Variants in SCD5 observed in about 807,000 individuals in gnomAD.
The protein encoded by SCD5 is stearoyl-CoA desaturase 5.
SCD5 carries 20 observed loss-of-function variants against 30.4 expected under a neutral mutation model. The observed-to-expected ratio is 0.66, with a 90% CI of 0.46 to 0.96. SCD5 has a LOEUF of 0.96. SCD5 is among the 40% of genes least tolerant of loss of function. The probability of loss-of-function intolerance (pLI) is 0.00; values close to 1 mark genes in which losing one functional copy is unlikely to be tolerated. For synonymous variants in SCD5, 173 were observed against 176.4 expected (o/e 0.98, Z 0.16); for missense variants, 381 against 443.3 (o/e 0.86, Z 1.26).
chr4:82,656,714 C>A (rs1293487588), intron 3 of SCD5, among the ~76,000 whole-genome samples: 1 of 152,176 alleles, frequency 6.6e-6, no homozygotes, highest in Middle Eastern at 3.2e-3. Flanking sequence ...TATACTCCCA[C>A]CAACAGTGTA....
chr4:82,688,714 G>A (rs6535380), intron 2 of SCD5, among the ~76,000 whole-genome samples: 143,751 of 152,278 alleles, frequency 0.94, 67,968 homozygotes, highest in East Asian at 1. Context: ...AGGTCTTAGA[G>A]GCTGGGTAAG....
chr4:82,713,968 A>C (rs1043666035), intron 1 of SCD5, among the ~76,000 whole-genome samples: 10 of 152,206 alleles, frequency 6.6e-5, no homozygotes, highest in Middle Eastern at 3.4e-3. Flanking sequence ...GAGCCTGGGT[A>C]CTCTATGATC....
intron 1 of SCD5, among the ~76,000 whole-genome samples, chr4:82,794,861 G>C (rs950384447): frequency 1.9e-4 from 29 of 151,978 alleles, no homozygotes; most frequent in Middle Eastern, 3.4e-3. Flanking sequence ...CCGTGTTAGC[G>C]AGGATGGTCT....
At chr4:82,770,666 G>C (rs959535934) in intron 1 of SCD5, among the ~76,000 whole-genome samples, 3 of 152,206 alleles carry the variant, frequency 2.0e-5, no homozygotes, top group Non-Finnish European at 4.4e-5. Flanking sequence ...AGGCTGCCAG[G>C]GCTCTGCACA....
intron 1 of SCD5, among the ~76,000 whole-genome samples, chr4:82,794,295 G>C (rs1273676095): frequency 6.6e-6 from 1 of 152,222 alleles, no homozygotes. Flanking sequence ...TTACTGCTTT[G>C]CATGCCTGGT....
chr4:82,723,612 C>T (rs890915646), intron 1 of SCD5, among the ~76,000 whole-genome samples: 5 of 152,120 alleles, frequency 3.3e-5, no homozygotes, highest in African/African-American at 1.2e-4. Flanking sequence ...TAAAGTGGAA[C>T]AAGCAGGCAA....
chr4:82,631,293 G>A lies in SCD5; in HGVS notation c.*34C>T, dbSNP rs1727286003. On this transcript the variant is annotated 3_prime_UTR_variant, in exon 5 of 5. Transcript: ENST00000319540. ...GTAACCAAAGCCATGAACCGAGGTTGCAACGGCAGACATGTGGGATGGCTG... is the reference window on the plus strand; with the variant it reads ...GTAACCAAAGCCATGAACCGAGGTTACAACGGCAGACATGTGGGATGGCTG... 1 of 1,595,542 alleles carries A rather than the reference G, an allele frequency of 6.3e-7. No individual in the cohort carries two copies. Among genetic ancestry groups the A allele is most frequent in the Non-Finnish European group, 8.6e-7 (1 of 1,167,230 alleles).
In SCD5 at chr4:82,631,370, A is replaced by G. The variant is rs1284880894; in HGVS notation, c.950T>C (p.Met317Thr). ...AGTCCTGGCCTTCCGGGCCTCGATCATCGGCTTGGTTGCCCGTTTGCGGTC... is the reference window on the plus strand; with the variant it reads ...AGTCCTGGCCTTCCGGGCCTCGATCGTCGGCTTGGTTGCCCGTTTGCGGTC... ...ATDRKRATKP[M>T]IEARKARTGD... Residue 317 changes from methionine to threonine, a missense_variant, in exon 5 of 5, where the codon ATG becomes ACG. Met to Thr is a moderately conservative substitution (Grantham distance 81). Coordinates refer to ENST00000319540, the MANE Select transcript of SCD5 (RefSeq NM_001037582.3). 1.2e-6 allele frequency: 2 copies of G among 1,613,878 alleles called. No homozygotes were observed. The highest frequency in any genetic ancestry group is 1.7e-6 in the Non-Finnish European group (2 of 1,180,026).
At chr4:82,748,445 C>A (rs1356880902) in intron 1 of SCD5, among the ~76,000 whole-genome samples, 1 of 152,140 alleles carries the variant, frequency 6.6e-6, no homozygotes, top group Non-Finnish European at 1.5e-5. Context: ...TTCTACTTAG[C>A]CAAGCCAAGC....
At chr4:82,665,159 A>AGGT (rs1302288502) in intron 3 of SCD5, among the ~76,000 whole-genome samples, 101 of 146,994 alleles carry the variant, frequency 6.9e-4, no homozygotes, top group African/African-American at 2.4e-3. Context: ...CATTTGAGCC[A>AGGT]GAAGTTTGAG....
intron 2 of SCD5, among the ~76,000 whole-genome samples, chr4:82,693,901 C>T (rs564592924): frequency 4.3e-4 from 65 of 152,334 alleles, no homozygotes; most frequent in Admixed American, 3.6e-3. Context: ...ACACACTGGC[C>T]GGACACAGCT....
chr4:82,783,298 C>G (rs1182698658), intron 1 of SCD5, among the ~76,000 whole-genome samples: 10 of 152,094 alleles, frequency 6.6e-5, no homozygotes, highest in Admixed American at 6.5e-4. Flanking sequence ...TTTCCATGGA[C>G]AATGTAGCCA....
chr4:82,783,978 T>C (rs142160547), intron 1 of SCD5, among the ~76,000 whole-genome samples: 58 of 152,274 alleles, frequency 3.8e-4, no homozygotes, highest in Admixed American at 7.2e-4. Context: ...TATTCTTAAA[T>C]GGTTCAGAAA....
chr4:82,637,315 A>C lies in SCD5; in HGVS notation c.570-492T>G, dbSNP rs538358443. On this transcript the variant is annotated intron_variant, in intron 3 of 4. Coordinates refer to ENST00000319540, the MANE Select transcript of SCD5 (RefSeq NM_001037582.3). ...TAAAAAGGTAGACAATCTTCCACCCAAAAACAAGTTCTCTGTCCATCAGAG... is the reference window on the plus strand; with the variant it reads ...TAAAAAGGTAGACAATCTTCCACCCCAAAACAAGTTCTCTGTCCATCAGAG... Among the ~76,000 whole-genome samples, 8 of 152,364 alleles carry C rather than the reference A, an allele frequency of 5.3e-5. No homozygotes were observed. In the East Asian group the frequency reaches 1.5e-3, roughly 29 times the overall value.
chr4:82,793,305 A>G (rs1722138303), intron 1 of SCD5, among the ~76,000 whole-genome samples: 1 of 152,216 alleles, frequency 6.6e-6, no homozygotes, highest in South Asian at 2.1e-4. Context: ...GCTGTGCTCA[A>G]AAATCCCAAA....
chr4:82,661,907 T>G (rs1433975652), intron 3 of SCD5, among the ~76,000 whole-genome samples: 1 of 152,172 alleles, frequency 6.6e-6, no homozygotes, highest in South Asian at 2.1e-4. Flanking sequence ...CATTCTACCT[T>G]CTTCCTCCAC....
At chr4:82,667,358 A>T (rs551889750) in intron 3 of SCD5, among the ~76,000 whole-genome samples, 4 of 152,326 alleles carry the variant, frequency 2.6e-5, no homozygotes, top group East Asian at 3.9e-4. Context: ...GGCAAAAAAA[A>T]TTGACATTTT....
At chr4:82,746,888 G>A (rs912369625) in intron 1 of SCD5, among the ~76,000 whole-genome samples, 1 of 152,054 alleles carries the variant, frequency 6.6e-6, no homozygotes, top group African/African-American at 2.4e-5. Context: ...AGACCCCTCT[G>A]GCCTACCACA....
At chr4:82,671,570 G>A (rs1728324362) in intron 3 of SCD5, among the ~76,000 whole-genome samples, 1 of 152,154 alleles carries the variant, frequency 6.6e-6, no homozygotes, top group Non-Finnish European at 1.5e-5. Flanking sequence ...AATTAAATCA[G>A]AAATCAATAA....
Sources: gnomAD v4.1 joint callset for allele counts (sites outside exome capture counted in the v4.1 genomes callset) on GRCh38, gnomAD v4.1.1 for gene constraint, MANE v1.5 for transcripts, NCBI Gene and HGNC (gene_info 2026-07-23, HGNC 2026-07-21) for gene names.